Variants in HAVCR1 observed in about 807,000 individuals in gnomAD.
The protein encoded by HAVCR1 is T cell immunoglobin domain and mucin domain protein 1.
HAVCR1 carries 34 observed loss-of-function variants against 32.0 expected under a neutral mutation model. That is an observed-to-expected ratio of 1.06 (90% CI 0.81 to 1.42). HAVCR1 has a LOEUF of 1.42. Among genes scored for constraint, HAVCR1 ranks in the 40% most tolerant of loss-of-function variants. HAVCR1 has a pLI of 0.00. For synonymous variants in HAVCR1, 178 were observed against 170.3 expected (o/e 1.05, Z -0.35); for missense variants, 420 against 442.3 (o/e 0.95, Z 0.45).
chr5:157,034,000 C>T (rs1425134800), intron 7 of HAVCR1, among the ~76,000 whole-genome samples: 2 of 152,182 alleles, frequency 1.3e-5, no homozygotes, highest in African/African-American at 4.8e-5. Context: ...TTGCAGTGAG[C>T]TTTAAGGGGG....
At position 157,031,850 on chromosome 5, in the gene HAVCR1, T is replaced by C. The variant is rs547890354; in HGVS notation, c.986+1004A>G. ...GCAGCAGGGTAGACTGAAAGGTCTT[T>C]AAAGGCAAATTCAAGTGCCTGCAAG... is the stretch of plus-strand genomic sequence containing the variant. On this transcript the variant is annotated intron_variant, in intron 8 of 8. Coordinates refer to ENST00000523175, the MANE Select transcript of HAVCR1 (RefSeq NM_001173393.3). Among the ~76,000 whole-genome samples, 36 of 149,146 alleles carry C rather than the reference T, an allele frequency of 2.4e-4. No individual in the cohort carries two copies. In the South Asian group the frequency reaches 7.2e-3, roughly 30 times the overall value.
At chr5:157,041,264 A>G (rs35065875) in intron 6 of HAVCR1, among the ~76,000 whole-genome samples, 9,199 of 151,742 alleles carry the variant, frequency 0.061, 708 homozygotes, top group African/African-American at 0.18. Context: ...TTGGGAGGCC[A>G]AGGCGGGAGG....
At chr5:157,048,995 G>C (rs375919936) in intron 5 of HAVCR1, 43 bp downstream of exon 5, 52 of 1,126,956 alleles carry the variant, frequency 4.6e-5, no homozygotes, top group Middle Eastern at 1.9e-4. Flanking sequence ...TGGTTATCAA[G>C]GTTTGAATGA....
intron 4 of HAVCR1, 50 bp downstream of exon 4, chr5:157,052,311 C>A: frequency 6.5e-7 from 1 of 1,527,464 alleles, no homozygotes; most frequent in Non-Finnish European, 9.1e-7. Flanking sequence ...CTGGATGGTC[C>A]GCAGCTCCTC....
chr5:157,039,088 C>A lies in HAVCR1; in HGVS notation c.838-1727G>T, dbSNP rs551334228. Among the ~76,000 whole-genome samples the A allele has an allele frequency of 3.3e-5, 5 of 152,220 alleles. No homozygotes were observed. The South Asian group carries it at 1.0e-3, about 32-fold the overall frequency. The stretch of plus-strand genomic sequence containing the variant: ...TGAGCTGTGATCGTGCCACTGCACT[C>A]CAGCCTGAGCAATGGAGTGAGACTC... On this transcript the variant is annotated intron_variant, in intron 6 of 8. Transcript: ENST00000523175.
At chr5:157,045,983 T>C (rs1322123616) in intron 5 of HAVCR1, among the ~76,000 whole-genome samples, 2 of 152,196 alleles carry the variant, frequency 1.3e-5, no homozygotes, top group African/African-American at 4.8e-5. Flanking sequence ...GTGCAGCTGC[T>C]CCTACCACTG....
chr5:157,034,184 T>C (rs993944571), intron 7 of HAVCR1, among the ~76,000 whole-genome samples: 3 of 152,046 alleles, frequency 2.0e-5, no homozygotes, highest in Admixed American at 6.6e-5. Context: ...TATTTATTGA[T>C]CTCTATCTCT....
the HAVCR1 span, among the ~76,000 whole-genome samples, chr5:157,068,984 T>C: frequency 6.6e-6 from 1 of 152,170 alleles, no homozygotes; most frequent in East Asian, 1.9e-4. Context: ...TATTACACAA[T>C]ACCCATCTTA....
chr5:157,037,439 C>G, intron 6 of HAVCR1, 78 bp from the exon 7 acceptor site: 1 of 723,058 alleles, frequency 1.4e-6, no homozygotes, highest in South Asian at 1.7e-5. Context: ...AATCACTTAC[C>G]CAGCCACATT....
At chr5:157,068,654 C>CT in the HAVCR1 span, among the ~76,000 whole-genome samples, 1 of 84,838 alleles carries the variant, frequency 1.2e-5, no homozygotes, top group Non-Finnish European at 2.4e-5. Context: ...TTTTTTTTTA[C>CT]ATTTTTTTTT....
At chr5:157,039,459 C>T (rs1305784537) in intron 6 of HAVCR1, among the ~76,000 whole-genome samples, 1 of 152,174 alleles carries the variant, frequency 6.6e-6, no homozygotes. Context: ...AGCGATTCTC[C>T]TGCCTCAGCC....
chr5:157,038,277 T>A (rs1436808532), intron 6 of HAVCR1, among the ~76,000 whole-genome samples: 1 of 152,174 alleles, frequency 6.6e-6, no homozygotes, highest in Non-Finnish European at 1.5e-5. Context: ...GATCATCACC[T>A]CCTGGAATAG....
intron 5 of HAVCR1, 108 bp downstream of exon 5, chr5:157,048,930 G>T: frequency 1.4e-6 from 1 of 701,284 alleles, no homozygotes; most frequent in Non-Finnish European, 2.6e-6. Flanking sequence ...CTGTGTGCCT[G>T]GTGTTGGCAC....
intron 7 of HAVCR1, among the ~76,000 whole-genome samples, chr5:157,034,325 C>T (rs936350401): frequency 6.6e-6 from 1 of 151,770 alleles, no homozygotes; most frequent in Non-Finnish European, 1.5e-5. Flanking sequence ...TCGATGTGCA[C>T]GTAGGCCAGG....
intron 5 of HAVCR1, among the ~76,000 whole-genome samples, chr5:157,044,643 A>AAGAAAG (rs1561591447): frequency 8.1e-5 from 10 of 123,026 alleles, no homozygotes; most frequent in Non-Finnish European, 1.7e-4. Context: ...GAAAGAAAGA[A>AAGAAAG]AGAAAGAAAG....
the HAVCR1 span, among the ~76,000 whole-genome samples, chr5:157,065,066 G>A: frequency 3.9e-5 from 6 of 152,134 alleles, no homozygotes; most frequent in Non-Finnish European, 8.8e-5. Flanking sequence ...GGTGGCTCAC[G>A]CCTGTAATCC....
chr5:157,037,283 C>T lies in HAVCR1; in HGVS notation c.916G>A (p.Val306Met). 6.2e-7 allele frequency: 1 copy of T among 1,605,264 alleles called. No homozygotes were observed. The highest frequency in any genetic ancestry group is 1.1e-5 in the South Asian group (1 of 90,906). The change falls in exon 7 of 9, where the codon GTG (valine) becomes ATG (methionine). Residue 306 changes from valine (V) to methionine (M), a missense_variant. By Grantham distance (21) the Val-to-Met change is conservative. Coordinates refer to ENST00000523175, the MANE Select transcript of HAVCR1 (RefSeq NM_001173393.3). ...ATGACACCCAAAAGAGCAAGAAGCA[C>T]CAAGACAGAAATACAGACTCCAGCA... ...IYAGVCISVL[V>M]LLALLGVIIA... is the part of the protein sequence containing the mutation.
upstream of HAVCR1, among the ~76,000 whole-genome samples, chr5:157,062,320 C>T (rs1418214096): frequency 1.3e-5 from 2 of 152,148 alleles, no homozygotes; most frequent in Non-Finnish European, 2.9e-5. Context: ...TTGCAGTGAG[C>T]TGAGATCGTG....
At chr5:157,032,383 T>C (rs1258341063) in intron 8 of HAVCR1, among the ~76,000 whole-genome samples, 1 of 152,098 alleles carries the variant, frequency 6.6e-6, no homozygotes, top group Non-Finnish European at 1.5e-5. Flanking sequence ...CTGGGTATGG[T>C]GGCACATGTC....
Sources: allele counts gnomAD v4.1 joint callset (sites outside exome capture counted in the v4.1 genomes callset), GRCh38; gene constraint gnomAD v4.1.1; transcripts MANE v1.5; gene names NCBI Gene and HGNC (gene_info 2026-07-23, HGNC 2026-07-21).